EED: variants seen among roughly 807,000 people sequenced by gnomAD.
EED encodes embryonic ectoderm development.
EED carries 9 observed loss-of-function variants against 61.0 expected under a neutral mutation model. That is an observed-to-expected ratio of 0.15 (90% CI 0.09 to 0.26). EED has a LOEUF of 0.26. Among genes scored for constraint, EED ranks in the 10% least tolerant of loss-of-function variants. The pLI is 1.00. For synonymous variants in EED, 187 were observed against 174.4 expected (o/e 1.07, Z -0.57); for missense variants, 315 against 542.3 (o/e 0.58, Z 4.16).
At chr11:86,253,549 T>C (rs1297117749) in intron 3 of EED, among the ~76,000 whole-genome samples, 1 of 152,214 alleles carries the variant, frequency 6.6e-6, no homozygotes, top group Admixed American at 6.5e-5. Flanking sequence ...GCTGTTAGAA[T>C]TTCTTTAAAA....
intron 6 of EED, 92 bp from the exon 7 acceptor site, chr11:86,264,080 A>G: frequency 2.1e-6 from 2 of 958,862 alleles, no homozygotes; most frequent in Non-Finnish European, 3.3e-6. Flanking sequence ...TGCATAACTT[A>G]CATCTAGACT....
At chr11:86,250,741 CTT>C (rs991724907) in intron 2 of EED, among the ~76,000 whole-genome samples, 2 of 151,952 alleles carry the variant, frequency 1.3e-5, no homozygotes, top group African/African-American at 4.8e-5. Context: ...AACTATTACT[CTT>C]TATATTTTAG....
At chr11:86,284,867 T>G in the EED span, among the ~76,000 whole-genome samples, 1 of 152,118 alleles carries the variant, frequency 6.6e-6, no homozygotes, top group Non-Finnish European at 1.5e-5. Flanking sequence ...GTCCCAGCAC[T>G]TTGGGAGGCT....
Position 86,256,430 on chromosome 11 carries a change from A to G in EED, c.470A>G (p.Asn157Ser). ...ACTTGTGCATGGACCTATGATAGCA[A>G]TACGAGCCATCCTCTGCTGGCTGTA... is the stretch of plus-strand genomic sequence containing the variant. ...FYTCAWTYDS[N>S]TSHPLLAVAG... Residue 157 changes from asparagine (N) to serine (S), a missense_variant, in exon 5 of 12, where the codon AAT becomes AGT. This residue lies in a region of EED where 205 missense variants were observed against 455.4 expected (regional missense o/e 0.45). Coordinates refer to ENST00000263360, the MANE Select transcript of EED (RefSeq NM_003797.5). The G allele has an allele frequency of 6.2e-7, 1 of 1,612,364 alleles. No individual in the cohort carries two copies. The highest frequency in any genetic ancestry group is 8.5e-7 in the Non-Finnish European group (1 of 1,178,836).
downstream of EED, among the ~76,000 whole-genome samples, chr11:86,283,278 A>T (rs78608924): frequency 3.6e-3 from 553 of 152,330 alleles, 4 homozygotes; most frequent in African/African-American, 0.011. Flanking sequence ...AAAAAATAAA[A>T]AAATAAATAA....
downstream of EED, among the ~76,000 whole-genome samples, chr11:86,280,692 G>C (rs1946313732): frequency 6.6e-6 from 1 of 152,152 alleles, no homozygotes; most frequent in African/African-American, 2.4e-5. Flanking sequence ...CTTCATACAT[G>C]TATACAATGT....
chr11:86,282,688 C>G (rs1314107354), downstream of EED, among the ~76,000 whole-genome samples: 1 of 152,134 alleles, frequency 6.6e-6, no homozygotes, highest in African/African-American at 2.4e-5. Flanking sequence ...CTCTGCAGAT[C>G]AGGGTGTTTT....
In EED at chr11:86,250,346, A is replaced by G; in HGVS notation, c.165A>G (p.Thr55=). 6.2e-7 allele frequency: 1 copy of G among 1,608,168 alleles called. No individual in the cohort carries two copies. The highest frequency in any genetic ancestry group is 8.5e-7 in the Non-Finnish European group (1 of 1,177,586). Residue 55 remains threonine (T), a synonymous_variant, in exon 2 of 12, where the codon ACA becomes ACG. Coordinates refer to ENST00000263360, the MANE Select transcript of EED (RefSeq NM_003797.5). ...ESGTNTERPD[T]PTNTPNAPGR... is the part of the protein sequence containing the mutation. Reference sequence around the variant, plus strand: ...GTACAAACACTGAACGCCCTGATACACCTACAAACACGCCAAATGCACCTG... The same window carrying G: ...GTACAAACACTGAACGCCCTGATACGCCTACAAACACGCCAAATGCACCTG...
chr11:86,281,408 A>AT (rs879596392), downstream of EED, among the ~76,000 whole-genome samples: 134 of 150,166 alleles, frequency 8.9e-4, no homozygotes, highest in Non-Finnish European at 1.3e-3. Flanking sequence ...TTGTTTTTTC[A>AT]TTTTTTTATT....
At chr11:86,258,114 T>C (rs1242187856) in intron 6 of EED, among the ~76,000 whole-genome samples, 1 of 152,090 alleles carries the variant, frequency 6.6e-6, no homozygotes, top group South Asian at 2.1e-4. Context: ...TACCCTCCAG[T>C]AGGCCCCAGT....
intron 9 of EED, among the ~76,000 whole-genome samples, chr11:86,273,573 T>G (rs1946165729): frequency 6.6e-6 from 1 of 152,262 alleles, no homozygotes. Flanking sequence ...TTAACCATTC[T>G]TTTAGAGCAG....
chr11:86,262,840 G>T (rs1477273309), intron 6 of EED, among the ~76,000 whole-genome samples: 2 of 148,400 alleles, frequency 1.3e-5, no homozygotes, highest in Non-Finnish European at 3.0e-5. Context: ...TTAAAGACAG[G>T]GTTGGTCTCT....
chr11:86,278,331 G>A (rs751660175), intron 11 of EED, 68 bp from the exon 12 acceptor site: 8 of 1,535,796 alleles, frequency 5.2e-6, no homozygotes, highest in Admixed American at 3.9e-5. Flanking sequence ...TTTCTAATCC[G>A]CTGTTTTAGG....
intron 1 of EED, 88 bp downstream of exon 1, chr11:86,245,431 T>C: frequency 2.4e-6 from 2 of 816,358 alleles, no homozygotes; most frequent in South Asian, 1.5e-5. Flanking sequence ...AGCGGGCTGC[T>C]GTGGGGGGAG....
chr11:86,266,551 A>T (rs1945985464), intron 8 of EED, among the ~76,000 whole-genome samples: 1 of 152,124 alleles, frequency 6.6e-6, no homozygotes, highest in Non-Finnish European at 1.5e-5. Flanking sequence ...GACTAGGGAG[A>T]GTAAAGGACA....
In EED at chr11:86,244,902, AC is replaced by A. The variant is rs1424594729; in HGVS notation, c.-327del. On this transcript the variant is annotated 5_prime_UTR_variant, in exon 1 of 12. Coordinates refer to ENST00000263360, the MANE Select transcript of EED (RefSeq NM_003797.5). The stretch of plus-strand genomic sequence containing the variant: ...GAGGCGGTGGTGGGAAGGGAGACAT[AC>A]TTAATACTGCCCTCTTAATCCAACG... The A allele has an allele frequency of 3.4e-6, 1 of 297,280 alleles. No homozygotes were observed. The highest frequency in any genetic ancestry group is 6.3e-6 in the Non-Finnish European group (1 of 158,688). The allele number at this position is 297,280 out of a possible 1,614,324, so 18.4% of individuals were successfully genotyped here. A position where few individuals can be genotyped will look rare whatever the true frequency, so the allele number is the denominator to read the frequency against.
chr11:86,251,368 G>C (rs750809045), intron 2 of EED, among the ~76,000 whole-genome samples: 4 of 152,154 alleles, frequency 2.6e-5, no homozygotes, highest in Non-Finnish European at 4.4e-5. Context: ...GTACCTGGAA[G>C]ATGTTTTTAG....
chr11:86,265,940 T>C (rs1945963742), intron 7 of EED, 143 bp from the exon 8 acceptor site: 1 of 590,852 alleles, frequency 1.7e-6, no homozygotes, highest in South Asian at 3.1e-5. Context: ...AACTCTGATT[T>C]ATGGCCTATT....
At chr11:86,258,279 CT>C (rs1490477287) in intron 6 of EED, among the ~76,000 whole-genome samples, 1 of 152,106 alleles carries the variant, frequency 6.6e-6, no homozygotes, top group African/African-American at 2.4e-5. Flanking sequence ...ATTCATATTG[CT>C]TTTTTATTTT....
Sources: gnomAD v4.1 joint callset for allele counts (sites outside exome capture counted in the v4.1 genomes callset) on GRCh38, gnomAD v4.1.1 for gene constraint, gnomAD v4.1.1 regional missense constraint, MANE v1.5 for transcripts, NCBI Gene and HGNC (gene_info 2026-07-23, HGNC 2026-07-21) for gene names.